Variants in TRPM3 observed in about 807,000 individuals in gnomAD.
TRPM3 encodes the protein transient receptor potential cation channel subfamily M member 3, also known as long transient receptor potential channel 3.
In TRPM3, 77 loss-of-function variants were observed where a neutral mutation model predicts 181.2. That is an observed-to-expected ratio of 0.42 (90% CI 0.35 to 0.51). TRPM3 has a LOEUF of 0.51. TRPM3 is among the 20% of genes least tolerant of loss of function. TRPM3 has a pLI of 0.01. For synonymous variants in TRPM3, 745 were observed against 796.4 expected (o/e 0.94, Z 1.09); for missense variants, 1,759 against 2,196.7 (o/e 0.80, Z 3.98).
rs1454204711 is a variant in TRPM3, at chr9:70,531,464, A to G, written c.*4489T>C. On this transcript the variant is annotated 3_prime_UTR_variant, in exon 26 of 26. Coordinates refer to ENST00000677713, the MANE Select transcript of TRPM3 (RefSeq NM_001366145.2). ...GCCTTAGAAAAGTCAAAAGAAATGC[A>G]TAAAGCAGTGCATGCATTTTGTTGA... The G allele has an allele frequency of 6.6e-6, 1 of 152,246 alleles. No individual in the cohort carries two copies. Among genetic ancestry groups the G allele is most frequent in the African/African-American group, 2.4e-5 (1 of 41,458 alleles). 9.4% of individuals were successfully genotyped at this position (152,246 alleles called of 1,614,324 possible).
At chr9:70,742,374 T>C (rs2074316662) in intron 8 of TRPM3, among the ~76,000 whole-genome samples, 1 of 152,148 alleles carries the variant, frequency 6.6e-6, no homozygotes, top group African/African-American at 2.4e-5. Context: ...ATATAATGTA[T>C]AGTGATCAGA....
At chr9:71,408,872 C>A (rs2093488165) in intron 1 of TRPM3, among the ~76,000 whole-genome samples, 1 of 152,146 alleles carries the variant, frequency 6.6e-6, no homozygotes, top group Admixed American at 6.6e-5. Flanking sequence ...GGGTTACCCA[C>A]AAAGGGAAGC....
At chr9:71,214,785 CAT>C (rs769808008) in intron 1 of TRPM3, among the ~76,000 whole-genome samples, 7 of 151,960 alleles carry the variant, frequency 4.6e-5, no homozygotes, top group African/African-American at 1.7e-4. Context: ...CTTATAATTC[CAT>C]ATCTCTACTT....
At chr9:70,652,017 C>T (rs113528081) in intron 9 of TRPM3, among the ~76,000 whole-genome samples, 205 of 152,214 alleles carry the variant, frequency 1.3e-3, no homozygotes, top group Non-Finnish European at 2.4e-3. Context: ...TGAAGGCCTA[C>T]TGTTGCTGAG....
chr9:71,151,613 T>C lies in TRPM3; in HGVS notation c.184-287102A>G, dbSNP rs145341233. ...CAATTTTACTGCTAGGAATTTATTC[T>C]ATAGAGTACTCACCCATTAGTTCGA... On this transcript the variant is annotated intron_variant, in intron 1 of 24. Coordinates refer to the TRPM3 transcript ENST00000357533. Among the ~76,000 whole-genome samples, 173 of 152,222 alleles carry C rather than the reference T, an allele frequency of 1.1e-3. No homozygotes were observed. In the Middle Eastern group the frequency reaches 0.014, roughly 12 times the overall value.
chr9:70,668,067 TTGTC>T (rs1337178469), intron 9 of TRPM3, among the ~76,000 whole-genome samples: 3 of 152,156 alleles, frequency 2.0e-5, no homozygotes, highest in African/African-American at 4.8e-5. Context: ...ATCTGGTACT[TTGTC>T]TGTATTATTT....
At chr9:71,419,969 C>T (rs773233896) in intron 1 of TRPM3, among the ~76,000 whole-genome samples, 4 of 151,940 alleles carry the variant, frequency 2.6e-5, no homozygotes, top group African/African-American at 4.8e-5. Context: ...TACAACATAA[C>T]TATTCTTTTA....
chr9:71,433,217 C>A (rs945658283), intron 1 of TRPM3, among the ~76,000 whole-genome samples: 3 of 152,176 alleles, frequency 2.0e-5, no homozygotes, highest in Non-Finnish European at 4.4e-5. Flanking sequence ...TGTCCCCACC[C>A]AAATCCCATC....
chr9:70,643,854 G>A (rs2133640837), intron 9 of TRPM3, among the ~76,000 whole-genome samples: 1 of 152,342 alleles, frequency 6.6e-6, no homozygotes, highest in Non-Finnish European at 1.5e-5. Flanking sequence ...AACTTCTAGT[G>A]TAGATAGCAT....
intron 1 of TRPM3, among the ~76,000 whole-genome samples, chr9:71,398,563 T>A (rs2093256892): frequency 6.6e-6 from 1 of 152,130 alleles, no homozygotes; most frequent in South Asian, 2.1e-4. Flanking sequence ...TAAAAGTGTA[T>A]GTCACTTCCC....
intron 1 of TRPM3, among the ~76,000 whole-genome samples, chr9:71,372,068 G>A (rs951198579): frequency 6.6e-6 from 1 of 152,190 alleles, no homozygotes; most frequent in African/African-American, 2.4e-5. Flanking sequence ...ATATGTGAGA[G>A]TATGTGGCAT....
chr9:71,132,746 T>C (rs1289511525), intron 1 of TRPM3, among the ~76,000 whole-genome samples: 1 of 152,214 alleles, frequency 6.6e-6, no homozygotes, highest in Non-Finnish European at 1.5e-5. Flanking sequence ...ATGTAATTTT[T>C]AGAAATATTA....
At chr9:71,420,687 AAGGGAAAGAGAAAGAG>A (rs2093720044) in intron 1 of TRPM3, among the ~76,000 whole-genome samples, 1 of 31,628 alleles carries the variant, frequency 3.2e-5, no homozygotes, top group Non-Finnish European at 6.4e-5. Context: ...AAGAAAGAGA[AAGGGAAAGAGAAAGAG>A]AGAGAAAGAA....
At chr9:71,049,427 C>A (rs1425998977) in intron 1 of TRPM3, among the ~76,000 whole-genome samples, 1 of 152,160 alleles carries the variant, frequency 6.6e-6, no homozygotes, top group Non-Finnish European at 1.5e-5. Flanking sequence ...AATATCAATA[C>A]TCTCCAAAAT....
At chr9:71,400,278 G>C (rs1248103081) in intron 1 of TRPM3, among the ~76,000 whole-genome samples, 1 of 152,118 alleles carries the variant, frequency 6.6e-6, no homozygotes, top group Non-Finnish European at 1.5e-5. Flanking sequence ...AAGATTTTCT[G>C]ATCCTTACAT....
chr9:70,752,045 TGTGTGCGC>T lies in TRPM3; in HGVS notation c.1272+9548_1272+9555del, dbSNP rs1367050932. Reference sequence around the variant, plus strand: ...GTGTGTGTGTGTGTGTGTGTGTGTGTGTGTGCGCGCGCGCGCGCATACACATGTACATG... The same window carrying T: ...GTGTGTGTGTGTGTGTGTGTGTGTGTGCGCGCGCGCATACACATGTACATG... On this transcript the variant is annotated intron_variant, in intron 8 of 25. Transcript: ENST00000677713. 2.6e-3 allele frequency among the ~76,000 whole-genome samples: 268 copies of T among 102,530 alleles called. 3 individuals are homozygous for T. The highest frequency in any genetic ancestry group is 8.7e-3 in the African/African-American group (251 of 28,976). 67.3% of individuals were successfully genotyped at this position (102,530 alleles called of 152,430 possible). A position where few individuals can be genotyped will look rare whatever the true frequency, so the allele number is the denominator to read the frequency against.
chr9:70,944,988 A>G (rs2096919112), intron 1 of TRPM3, among the ~76,000 whole-genome samples: 2 of 152,160 alleles, frequency 1.3e-5, no homozygotes, highest in Admixed American at 1.3e-4. Context: ...TAAGGCTTCA[A>G]CAGAAGCAAG....
At chr9:70,862,552 A>G (rs1047021257) in intron 3 of TRPM3, among the ~76,000 whole-genome samples, 5 of 152,212 alleles carry the variant, frequency 3.3e-5, no homozygotes, top group African/African-American at 4.8e-5. Context: ...AAAGGGATAA[A>G]AAAAGGAGTT....
chr9:70,857,287 G>A (rs1275320041), intron 3 of TRPM3, among the ~76,000 whole-genome samples: 3 of 151,904 alleles, frequency 2.0e-5, no homozygotes, highest in Non-Finnish European at 2.9e-5. Flanking sequence ...AGCTTTGAAC[G>A]TCTTCTTCCT....
Sources: allele counts gnomAD v4.1 joint callset (sites outside exome capture counted in the v4.1 genomes callset), GRCh38; gene constraint gnomAD v4.1.1; transcripts MANE v1.5; gene names NCBI Gene and HGNC (gene_info 2026-07-23, HGNC 2026-07-21).